Variants in STK31 observed in about 807,000 individuals in gnomAD.
STK31 encodes serine/threonine kinase 31.
Under a neutral mutation model 129.7 loss-of-function variants are expected in STK31, and 89 were observed. The observed-to-expected ratio is 0.69, with a 90% confidence interval of 0.58 to 0.82. The LOEUF (loss-of-function observed/expected upper bound fraction) is 0.82. STK31 is among the 40% of genes least tolerant of loss of function. The probability of loss-of-function intolerance (pLI) is 0.00; values close to 1 mark genes in which losing one functional copy is unlikely to be tolerated. For synonymous variants in STK31, 448 were observed against 395.3 expected (o/e 1.13, Z -1.58); for missense variants, 1,187 against 1,176.4 (o/e 1.01, Z -0.13).
intron 8 of STK31, among the ~76,000 whole-genome samples, chr7:23,738,797 C>T (rs1787878908): frequency 6.6e-6 from 1 of 152,146 alleles, no homozygotes; most frequent in African/African-American, 2.4e-5. Flanking sequence ...GTGATCCACC[C>T]ACCTCTGCCT....
At chr7:23,761,178 A>G (rs1002951060) in intron 10 of STK31, among the ~76,000 whole-genome samples, 1 of 152,214 alleles carries the variant, frequency 6.6e-6, no homozygotes, top group South Asian at 2.1e-4. Context: ...TTACTATCCT[A>G]TGAGTACAGA....
chr7:23,752,367 T>TTTTTTA (rs1788764435), intron 8 of STK31, among the ~76,000 whole-genome samples: 1 of 136,782 alleles, frequency 7.3e-6, no homozygotes, highest in African/African-American at 2.7e-5. Flanking sequence ...TTTTTTTTTT[T>TTTTTTA]GAGACAGAGT....
At chr7:23,721,748 A>G (rs1786712807) in intron 4 of STK31, 2 of 730,352 alleles carry the variant, frequency 2.7e-6, no homozygotes, top group African/African-American at 3.5e-5. Context: ...CACAATAAGG[A>G]TATTTTTCCT....
chr7:23,798,802 A>G (rs898018007), intron 22 of STK31, among the ~76,000 whole-genome samples: 1 of 152,210 alleles, frequency 6.6e-6, no homozygotes, highest in African/African-American at 2.4e-5. Flanking sequence ...GAGACAGTCA[A>G]AGTCTGTCTG....
chr7:23,831,069 G>A (rs1460252241), intron 23 of STK31, among the ~76,000 whole-genome samples: 1 of 152,136 alleles, frequency 6.6e-6, no homozygotes, highest in Non-Finnish European at 1.5e-5. Context: ...CCTATAGAAT[G>A]TTCCATATGC....
chr7:23,817,550 A>G (rs2128128417), intron 23 of STK31, among the ~76,000 whole-genome samples: 1 of 152,346 alleles, frequency 6.6e-6, no homozygotes, highest in Admixed American at 6.5e-5. Flanking sequence ...CTCTGTAGTC[A>G]GCACCTTACA....
At chr7:23,780,738 AG>A (rs1262423117) in intron 15 of STK31, among the ~76,000 whole-genome samples, 1 of 152,212 alleles carries the variant, frequency 6.6e-6, no homozygotes, top group Non-Finnish European at 1.5e-5. Context: ...TTACCTTGTC[AG>A]GGTAAAATTC....
chr7:23,735,711 C>CTT lies in STK31; in HGVS notation c.657_658insTT (p.Ile220LeufsTer41), dbSNP rs1280640992. The CTT allele has an allele frequency of 6.2e-7, 1 of 1,614,016 alleles. No homozygotes were observed. Among genetic ancestry groups the CTT allele is most frequent in the East Asian group, 2.2e-5 (1 of 44,878 alleles). On this transcript the variant is annotated frameshift_variant, in exon 7 of 24. Transcript: ENST00000355870. LOFTEE classifies it high-confidence loss of function. ...AATGCAGACTTGCTTCCAGAACTGA[C>CTT]ATCTGTGAGGAAAAAAAATTGGATC...
chr7:23,771,942 G>A (rs548130895), intron 14 of STK31: 107 of 345,662 alleles, frequency 3.1e-4, no homozygotes, highest in Non-Finnish European at 5.2e-4. Context: ...TACTTTGAGT[G>A]CTGGAACTGA....
intron 8 of STK31, among the ~76,000 whole-genome samples, chr7:23,747,712 A>T (rs2128089027): frequency 6.6e-6 from 1 of 152,328 alleles, no homozygotes; most frequent in African/African-American, 2.4e-5. Context: ...TACGTCTTTC[A>T]AAGAATTAGT....
intron 22 of STK31, 55 bp from the exon 23 acceptor site, chr7:23,815,089 A>C: frequency 1.5e-6 from 2 of 1,303,670 alleles, no homozygotes; most frequent in Non-Finnish European, 2.1e-6. Context: ...TGACTCTTCT[A>C]TAGATTGGCG....
intron 16 of STK31, among the ~76,000 whole-genome samples, chr7:23,783,378 C>T (rs967936625): frequency 6.6e-6 from 1 of 152,160 alleles, no homozygotes; most frequent in African/African-American, 2.4e-5. Context: ...GAGTCCTTCT[C>T]AGGCCATGTT....
intron 4 of STK31, among the ~76,000 whole-genome samples, chr7:23,718,260 A>G (rs1786469717): frequency 6.6e-6 from 1 of 152,182 alleles, no homozygotes. Context: ...AACAAACTAG[A>G]TTCCTTGCAT....
intron 22 of STK31, among the ~76,000 whole-genome samples, chr7:23,794,560 A>G (rs1312282965): frequency 1.3e-5 from 2 of 152,194 alleles, no homozygotes; most frequent in Non-Finnish European, 2.9e-5. Context: ...GAACTGCGTC[A>G]TGGGCAGAGG....
At chr7:23,782,180 G>C (rs553872883) in intron 16 of STK31, among the ~76,000 whole-genome samples, 1 of 152,156 alleles carries the variant, frequency 6.6e-6, no homozygotes, top group African/African-American at 2.4e-5. Flanking sequence ...TGCTTTGAAA[G>C]TAAAAATACT....
At position 23,761,697 on chromosome 7, in the gene STK31, C is replaced by A. The variant is rs1244692116; in HGVS notation, c.1294-1104C>A. On this transcript the variant is annotated intron_variant, in intron 10 of 23. Transcript: ENST00000355870. The stretch of plus-strand genomic sequence containing the variant: ...TGCTGGGATTACAGGCGTGGGCCAC[C>A]GTGCCCAGATGTTTTTTTTTTTTAA... Among the ~76,000 whole-genome samples the A allele has an allele frequency of 1.3e-4, 19 of 151,240 alleles. 3 individuals are homozygous for A. The South Asian group carries it at 4.0e-3, about 31-fold the overall frequency.
chr7:23,785,701 C>G lies in STK31; in HGVS notation c.2274+98C>G, dbSNP rs940728792. The G allele has an allele frequency of 4.1e-6, 6 of 1,459,100 alleles. No individual in the cohort carries two copies. The African/African-American group carries it at 7.1e-5, about 17-fold the overall frequency. The allele number at this position is 1,459,100 out of a possible 1,614,324, so 90.4% of individuals were successfully genotyped here. On this transcript the variant is annotated intron_variant, in intron 18 of 23. Transcript: ENST00000355870. ...AAGAAAAAACCTCACTGTTAGTTTT[C>G]TAAAGTGTATAAGTTGACTGGCATG...
Position 23,785,389 on chromosome 7 carries a change from C to T in STK31, c.2149-89C>T, listed in dbSNP as rs939926653. On this transcript the variant is annotated intron_variant, in intron 17 of 23. Transcript: ENST00000355870. The stretch of plus-strand genomic sequence containing the variant: ...CCAGTACAGTTGATGGTGTCCAAGT[C>T]ATTTAATATCGTGTAACTAATTATT... The T allele has an allele frequency of 4.6e-6, 7 of 1,529,930 alleles. No homozygotes were observed. In the African/African-American group the frequency reaches 9.6e-5, roughly 21 times the overall value. The allele number at this position is 1,529,930 out of a possible 1,614,324, so 94.8% of individuals were successfully genotyped here. A position where few individuals can be genotyped will look rare whatever the true frequency, so the allele number is the denominator to read the frequency against.
At chr7:23,824,239 G>A (rs1193242183) in intron 23 of STK31, among the ~76,000 whole-genome samples, 1 of 152,174 alleles carries the variant, frequency 6.6e-6, no homozygotes, top group African/African-American at 2.4e-5. Flanking sequence ...AGCATGGAAT[G>A]TTCTTCCATT....
Sources: allele counts gnomAD v4.1 joint callset (sites outside exome capture counted in the v4.1 genomes callset), GRCh38; gene constraint gnomAD v4.1.1; transcripts MANE v1.5; gene names NCBI Gene and HGNC (gene_info 2026-07-23, HGNC 2026-07-21).